Variants in IAH1 observed in about 807,000 individuals in gnomAD.
IAH1 encodes isoamyl acetate hydrolyzing esterase 1 (putative).
Under a neutral mutation model 26.7 loss-of-function variants are expected in IAH1, and 24 were observed. The ratio of observed to expected loss-of-function variants is 0.90; its 90% CI spans 0.65 to 1.26. IAH1 has a LOEUF of 1.26. Among genes scored for constraint, IAH1 ranks in the 50% most tolerant of loss-of-function variants. The pLI is 0.00. For synonymous variants in IAH1, 140 were observed against 118.5 expected, an observed-to-expected ratio of 1.18 and a Z score of -1.18; for missense variants, 300 against 299.9, an observed-to-expected ratio of 1.00 and a Z score of 0.00.
At chr2:9,477,661 C>T (rs1004267987) in intron 2 of IAH1, among the ~76,000 whole-genome samples, 12 of 144,992 alleles carry the variant, frequency 8.3e-5, no homozygotes, top group East Asian at 2.0e-4. Context: ...CCAGGCAACC[C>T]GGCTTTTTTT....
chr2:9,511,724 A>C, the IAH1 span, among the ~76,000 whole-genome samples: 1 of 152,164 alleles, frequency 6.6e-6, no homozygotes, highest in African/African-American at 2.4e-5. Context: ...GAATTCCAGC[A>C]CTTTGGGAGG....
At chr2:9,481,496 G>A (rs1282012685) in intron 4 of IAH1, 49 bp downstream of exon 4, 1 of 1,588,440 alleles carries the variant, frequency 6.3e-7, no homozygotes, top group Admixed American at 1.7e-5. Flanking sequence ...GAATGCTGAG[G>A]GAGGAACTCT....
At chr2:9,487,926 T>C (rs1054379413) in intron 5 of IAH1, among the ~76,000 whole-genome samples, 22 of 152,060 alleles carry the variant, frequency 1.4e-4, no homozygotes, top group African/African-American at 5.3e-4. Flanking sequence ...CTCCAACTCC[T>C]GGGCTTAAGT....
intron 3 of IAH1, among the ~76,000 whole-genome samples, chr2:9,480,337 A>G (rs897053985): frequency 6.6e-6 from 1 of 152,130 alleles, no homozygotes; most frequent in Non-Finnish European, 1.5e-5. Flanking sequence ...ACTCTGTCTC[A>G]ATAACAACAA....
chr2:9,506,375 T>G, the IAH1 span, among the ~76,000 whole-genome samples: 3 of 146,206 alleles, frequency 2.1e-5, no homozygotes, highest in African/African-American at 5.1e-5. Flanking sequence ...TTTTTTTTTT[T>G]TTTTTTTTTT....
downstream of IAH1, among the ~76,000 whole-genome samples, chr2:9,497,654 G>GCTA (rs1662712278): frequency 6.6e-6 from 1 of 152,178 alleles, no homozygotes; most frequent in African/African-American, 2.4e-5. Flanking sequence ...CACTGCTTTG[G>GCTA]CTATGACAAC....
the IAH1 span, among the ~76,000 whole-genome samples, chr2:9,502,980 G>A: frequency 4.8e-5 from 7 of 146,924 alleles, no homozygotes; most frequent in South Asian, 2.2e-4. Flanking sequence ...CTCTACTAAA[G>A]ATACAAAAAA....
In IAH1 at chr2:9,488,348, A is replaced by T. The variant is rs779803726; in HGVS notation, c.*19A>T. 7.0e-6 allele frequency: 11 copies of T among 1,566,072 alleles called. No homozygotes were observed. Among genetic ancestry groups the T allele is most frequent in the South Asian group, 1.2e-5 (1 of 82,756 alleles). ...CCATTAGCCAATCACAGGAGACCCA[A>T]ATCTGCTTGTTATCTACAGAACTCA... On this transcript the variant is annotated 3_prime_UTR_variant, in exon 6 of 6. Transcript: ENST00000497473.
the IAH1 span, chr2:9,502,037 G>A: frequency 1.4e-6 from 1 of 733,070 alleles, no homozygotes. Context: ...CACAAACTAA[G>A]GAGTGCCAGA....
chr2:9,488,588 A>T lies in IAH1; in HGVS notation c.*259A>T, dbSNP rs996405216. On this transcript the variant is annotated 3_prime_UTR_variant, in exon 6 of 6. Transcript: ENST00000497473. Reference sequence around the variant, plus strand: ...TATAAATGACAAAGACTATGTTTTTAAAAAGTCACAATTTTATAAAAATGG... The same window carrying T: ...TATAAATGACAAAGACTATGTTTTTTAAAAGTCACAATTTTATAAAAATGG... 7.6e-5 allele frequency: 23 copies of T among 301,384 alleles called. 1 individual carries two copies. The highest frequency in any genetic ancestry group is 1.2e-4 in the Non-Finnish European group (20 of 166,322). 18.7% of individuals were successfully genotyped at this position (301,384 alleles called of 1,614,324 possible). A position where few individuals can be genotyped will look rare whatever the true frequency, so the allele number is the denominator to read the frequency against.
chr2:9,474,536 G>C, upstream of IAH1: 1 of 1,200,566 alleles, frequency 8.3e-7, no homozygotes, highest in Middle Eastern at 3.1e-4. This position sits in a 1 kb window ranked among gnomAD's most constrained non-coding sequence, Gnocchi z 4.3. Flanking sequence ...CTCGTGGCTG[G>C]CGGCCCCGCC....
chr2:9,504,764 A>G, the IAH1 span, among the ~76,000 whole-genome samples: 7 of 55,048 alleles, frequency 1.3e-4, no homozygotes, highest in Admixed American at 3.1e-4. Flanking sequence ...CTGTCTCAGG[A>G]AAAAAAAAAA....
chr2:9,494,874 T>C, intron 6 of IAH1: 1 of 1,368,748 alleles, frequency 7.3e-7, no homozygotes, highest in South Asian at 1.4e-5. Context: ...AGAAATCACA[T>C]TTATTTTTTA....
chr2:9,494,061 A>T (rs1662366942), downstream of IAH1, among the ~76,000 whole-genome samples: 1 of 152,234 alleles, frequency 6.6e-6, no homozygotes, highest in Admixed American at 6.5e-5. Flanking sequence ...CCAGGAGACA[A>T]AAATCAAGGA....
At chr2:9,491,705 A>G (rs56198091), downstream of IAH1, among the ~76,000 whole-genome samples, 88,515 of 152,094 alleles carry the variant, frequency 0.58, 27,100 homozygotes, top group African/African-American at 0.71. Flanking sequence ...CTGCTGCCCC[A>G]TCCCTGCCTG....
Position 9,474,944 on chromosome 2 carries a change from G to C in IAH1, c.81+297G>C. On this transcript the variant is annotated intron_variant, in intron 1 of 5. Transcript: ENST00000497473. This position sits in a 1 kb window ranked among gnomAD's most constrained non-coding sequence, Gnocchi z 4.3. ...CCTCCCACCCGGGTCGAGATGCGCG[G>C]TCTTCCCCTCAGCGCCCTCCTGGGC... 1.1e-6 allele frequency: 1 copy of C among 942,486 alleles called. No individual in the cohort carries two copies. Among genetic ancestry groups the C allele is most frequent in the Non-Finnish European group, 1.3e-6 (1 of 761,702 alleles). The allele number at this position is 942,486 out of a possible 1,614,324, so 58.4% of individuals were successfully genotyped here. A position where few individuals can be genotyped will look rare whatever the true frequency, so the allele number is the denominator to read the frequency against.
intron 6 of IAH1, chr2:9,494,971 G>T: frequency 4.4e-6 from 2 of 457,056 alleles, no homozygotes; most frequent in Non-Finnish European, 7.5e-6. Context: ...GAGGCCACAA[G>T]GTTTAAAAAA....
intron 5 of IAH1, among the ~76,000 whole-genome samples, chr2:9,487,299 G>A (rs1441162429): frequency 6.6e-6 from 1 of 152,152 alleles, no homozygotes; most frequent in African/African-American, 2.4e-5. Context: ...ATGGGAGGGA[G>A]ACTGGACTCC....
At chr2:9,474,346 G>A (rs1682339900), upstream of IAH1, among the ~76,000 whole-genome samples, 1 of 152,250 alleles carries the variant, frequency 6.6e-6, no homozygotes, top group Non-Finnish European at 1.5e-5. This position sits in a 1 kb window ranked among gnomAD's most constrained non-coding sequence, Gnocchi z 4.3. Context: ...GAACCACGCA[G>A]CGGGACGCGG....
Sources: gnomAD v4.1 joint callset for allele counts (sites outside exome capture counted in the v4.1 genomes callset) on GRCh38, gnomAD v4.1.1 for gene constraint, Gnocchi (gnomAD v3.1) non-coding constraint, MANE v1.5 for transcripts, NCBI Gene and HGNC (gene_info 2026-07-23, HGNC 2026-07-21) for gene names.